ZNF346: variants seen among roughly 807,000 people sequenced by gnomAD.
ZNF346 encodes double-stranded RNA-binding zinc finger protein JAZ.
ZNF346 carries 23 observed loss-of-function variants against 33.7 expected under a neutral mutation model. The ratio of observed to expected loss-of-function variants is 0.68; its 90% confidence interval spans 0.49 to 0.97. The LOEUF is 0.97. Ranked by LOEUF, ZNF346 falls within the 50% of genes least tolerant of loss-of-function variation. The pLI, the probability that ZNF346 is intolerant of heterozygous loss-of-function variation, is 0.00. For synonymous variants in ZNF346, 134 were observed against 142.4 expected, an observed-to-expected ratio of 0.94 and a Z score of 0.42; for missense variants, 340 against 371.1, an observed-to-expected ratio of 0.92 and a Z score of 0.69.
At chr5:177,071,995 G>A (rs1204913914), downstream of ZNF346, among the ~76,000 whole-genome samples, 1 of 152,178 alleles carries the variant, frequency 6.6e-6, no homozygotes, top group Non-Finnish European at 1.5e-5. Flanking sequence ...CAACTCTTCA[G>A]TGCAATGACC....
chr5:177,045,745 C>T (rs1271928525), intron 4 of ZNF346, among the ~76,000 whole-genome samples: 1 of 152,036 alleles, frequency 6.6e-6, no homozygotes, highest in East Asian at 1.9e-4. Context: ...CCCATCTCAG[C>T]TTCCCAGAGT....
chr5:177,064,691 C>A lies in ZNF346; in HGVS notation c.*92C>A. The A allele has an allele frequency of 9.4e-7, 1 of 1,069,072 alleles. No individual in the cohort carries two copies. The highest frequency in any genetic ancestry group is 1.4e-6 in the Non-Finnish European group (1 of 690,628). The allele number at this position is 1,069,072 out of a possible 1,614,324, so 66.2% of individuals were successfully genotyped here. ...TTGGCTCCCTCTTGCTCGTTGTTCT[C>A]ACCAGGAAAGTACACGGGCCTGAGG... On this transcript the variant is annotated 3_prime_UTR_variant, in exon 7 of 7. Coordinates refer to ENST00000358149, the MANE Select transcript of ZNF346 (RefSeq NM_012279.4).
chr5:177,054,857 C>G (rs17078750), intron 5 of ZNF346, among the ~76,000 whole-genome samples: 19,679 of 152,032 alleles, frequency 0.13, 2,973 homozygotes, highest in African/African-American at 0.37. Flanking sequence ...CTCAAGTGAA[C>G]TTAACTAATT....
In ZNF346 at chr5:177,028,040, C is replaced by CTTTTTTTTTTTTT. The variant is rs10682528; in HGVS notation, c.175+5147_175+5159dup. The stretch of plus-strand genomic sequence containing the variant: ...GAATATTTTGTTTCTCCTTGTGTCA[C>CTTTTTTTTTTTTT]TTTTTTTTTTTTTTTTTTTTTTTTT... On this transcript the variant is annotated intron_variant, in intron 1 of 6. Coordinates refer to ENST00000358149, the MANE Select transcript of ZNF346 (RefSeq NM_012279.4). Among the ~76,000 whole-genome samples the CTTTTTTTTTTTTT allele has an allele frequency of 3.3e-4, 11 of 33,502 alleles. 3 individuals carry two copies. Among genetic ancestry groups the CTTTTTTTTTTTTT allele is most frequent in the African/African-American group, 1.4e-3 (10 of 7,192 alleles). 22.0% of individuals were successfully genotyped at this position (33,502 alleles called of 152,430 possible).
At chr5:177,075,623 C>T (rs578031388) in intron 8 of ZNF346, among the ~76,000 whole-genome samples, 7 of 152,216 alleles carry the variant, frequency 4.6e-5, no homozygotes, top group African/African-American at 1.7e-4. Flanking sequence ...CTCAAACAGT[C>T]CTCCCACCTC....
intron 1 of ZNF346, among the ~76,000 whole-genome samples, chr5:177,038,271 G>T (rs116973109): frequency 0.22 from 27,073 of 124,474 alleles, 3,107 homozygotes; most frequent in East Asian, 0.42. Context: ...TTTTTTTTGT[G>T]TGTGTGTGTT....
In ZNF346 at chr5:177,050,896, C is replaced by G. The variant is rs1180602258; in HGVS notation, c.663C>G (p.Arg221=). Residue 221 remains arginine (R), a synonymous_variant, in exon 5 of 7, where the codon CGC becomes CGG. Coordinates refer to ENST00000358149, the MANE Select transcript of ZNF346 (RefSeq NM_012279.4). ...AGACCAAGCTCAAACTAATGGCACG[C>G]TATGGGCGGCTGGCGGACCCTGCTG... ...KQETKLKLMA[R]YGRLADPAVT... 6 of 1,614,196 alleles carry G rather than the reference C, an allele frequency of 3.7e-6. No individual in the cohort carries two copies. The highest frequency in any genetic ancestry group is 5.1e-6 in the Non-Finnish European group (6 of 1,180,032).
chr5:177,044,287 G>GC lies in ZNF346; in HGVS notation c.373-102_373-101insC, dbSNP rs1199300285. 4 of 1,374,314 alleles carry GC rather than the reference G, an allele frequency of 2.9e-6. No individual in the cohort carries two copies. In the East Asian group the frequency reaches 9.2e-5, roughly 32 times the overall value. 85.1% of individuals were successfully genotyped at this position (1,374,314 alleles called of 1,614,324 possible). Reference sequence around the variant, plus strand: ...AAGTAGGTTGGGGTTAATGTGTGAGGGGGGCCATAAATGCCTGTTCTGTTA... The same window carrying GC: ...AAGTAGGTTGGGGTTAATGTGTGAGGCGGGGCCATAAATGCCTGTTCTGTTA... On this transcript the variant is annotated intron_variant, in intron 3 of 6. Transcript: ENST00000358149.
In ZNF346 at chr5:177,047,030, T is replaced by TTATATTTA. The variant is rs1554148733; in HGVS notation, c.517+2498_517+2499insATATTTAT. Among the ~76,000 whole-genome samples the TTATATTTA allele has an allele frequency of 5.3e-3, 787 of 147,868 alleles. 11 individuals carry two copies. Among genetic ancestry groups the TTATATTTA allele is most frequent in the African/African-American group, 0.016 (654 of 40,530 alleles). ...GGGTTTTTAAAATTTTTTTATTTATTTTTATTTATTTATTTATTTATTTAT... is the reference window on the plus strand; with the variant it reads ...GGGTTTTTAAAATTTTTTTATTTATTTATATTTATTTATTTATTTATTTATTTATTTAT... On this transcript the variant is annotated intron_variant, in intron 4 of 6. Coordinates refer to ENST00000358149, the MANE Select transcript of ZNF346 (RefSeq NM_012279.4).
downstream of ZNF346, among the ~76,000 whole-genome samples, chr5:177,071,377 A>C (rs548794869): frequency 2.0e-5 from 3 of 151,580 alleles, no homozygotes; most frequent in African/African-American, 7.3e-5. Flanking sequence ...AAAAAAAAAA[A>C]AAAGAAAGAA....
intron 4 of ZNF346, among the ~76,000 whole-genome samples, chr5:177,047,503 T>C (rs938308820): frequency 6.6e-6 from 1 of 151,878 alleles, no homozygotes; most frequent in African/African-American, 2.4e-5. Flanking sequence ...CATACCCGGC[T>C]AATGTTGTTT....
At chr5:177,062,519 T>C (rs534408940) in intron 6 of ZNF346, among the ~76,000 whole-genome samples, 1 of 152,276 alleles carries the variant, frequency 6.6e-6, no homozygotes, top group African/African-American at 2.4e-5. Context: ...TTATCAAATA[T>C]GACCAGGCCC....
At chr5:177,047,954 A>G (rs1352836628) in intron 4 of ZNF346, among the ~76,000 whole-genome samples, 1 of 152,122 alleles carries the variant, frequency 6.6e-6, no homozygotes, top group Non-Finnish European at 1.5e-5. Flanking sequence ...ATTGCCTTCT[A>G]TATGTTTTTT....
chr5:177,045,755 T>C (rs377054934), intron 4 of ZNF346, among the ~76,000 whole-genome samples: 1 of 151,622 alleles, frequency 6.6e-6, no homozygotes, highest in African/African-American at 2.4e-5. Flanking sequence ...CTTCCCAGAG[T>C]GCTGGGATTA....
rs1473681412 is a variant in ZNF346 at position 177,065,205 on chromosome 5, AT to A, written c.*608del. 6.5e-6 allele frequency: 1 copy of A among 153,496 alleles called. No individual in the cohort carries two copies. The highest frequency in any genetic ancestry group is 1.5e-5 in the Non-Finnish European group (1 of 68,802). 9.5% of individuals were successfully genotyped at this position (153,496 alleles called of 1,614,324 possible). ...AGCAGTGACACAATCTTGGCGGAGC[AT>A]TGCTACCCCCGCTGCCCCCTCCACA... On this transcript the variant is annotated 3_prime_UTR_variant, in exon 7 of 7. Transcript: ENST00000358149.
At chr5:177,058,731 C>T (rs982429905) in intron 5 of ZNF346, among the ~76,000 whole-genome samples, 2 of 152,124 alleles carry the variant, frequency 1.3e-5, no homozygotes, top group African/African-American at 2.4e-5. Flanking sequence ...ACACTCCTTC[C>T]ACCTGCCTCC....
At position 177,066,460 on chromosome 5, in the gene ZNF346, G is replaced by A. The variant is rs1707078195; in HGVS notation, c.*1861G>A. Among the ~76,000 whole-genome samples the A allele has an allele frequency of 6.6e-6, 1 of 152,162 alleles. No homozygotes were observed. Among genetic ancestry groups the A allele is most frequent in the Admixed American group, 6.5e-5 (1 of 15,274 alleles). ...AATGAACAAATGAGGTGTATGAGGA[G>A]AGATGGTTTTCTCCTGCTCAGCTCT... On this transcript the variant is annotated 3_prime_UTR_variant, in exon 7 of 7. Coordinates refer to ENST00000358149, the MANE Select transcript of ZNF346 (RefSeq NM_012279.4).
rs10682528 is a variant in ZNF346 at position 177,028,040 on chromosome 5, C to CTTT, written c.175+5157_175+5159dup. Among the ~76,000 whole-genome samples, 274 of 33,538 alleles carry CTTT rather than the reference C, an allele frequency of 8.2e-3. 83 individuals carry two copies. Among genetic ancestry groups the CTTT allele is most frequent in the African/African-American group, 0.025 (184 of 7,216 alleles). The allele number at this position is 33,538 out of a possible 152,430, so 22.0% of individuals were successfully genotyped here. A position where few individuals can be genotyped will look rare whatever the true frequency, so the allele number is the denominator to read the frequency against. On this transcript the variant is annotated intron_variant, in intron 1 of 6. Transcript: ENST00000358149. ...GAATATTTTGTTTCTCCTTGTGTCA[C>CTTT]TTTTTTTTTTTTTTTTTTTTTTTTT...
chr5:177,026,277 T>A (rs893462209), intron 1 of ZNF346, among the ~76,000 whole-genome samples: 11 of 152,080 alleles, frequency 7.2e-5, no homozygotes, highest in South Asian at 2.1e-4. Flanking sequence ...AGTGCTGGCA[T>A]TACACGCGTG....
Sources: allele counts gnomAD v4.1 joint callset (sites outside exome capture counted in the v4.1 genomes callset), GRCh38; gene constraint gnomAD v4.1.1; transcripts MANE v1.5; gene names NCBI Gene and HGNC (gene_info 2026-07-23, HGNC 2026-07-21).